TMEM225B: variants seen among roughly 807,000 people sequenced by gnomAD.
TMEM225B encodes transmembrane protein 225-like.
In TMEM225B, 10 loss-of-function variants were observed where a neutral mutation model predicts 16.9. That is an observed-to-expected ratio of 0.59 (90% CI 0.36 to 1.00). The LOEUF (loss-of-function observed/expected upper bound fraction) is 1.00. Ranked by LOEUF, TMEM225B falls within the 50% of genes least tolerant of loss-of-function variation. TMEM225B has a pLI of 0.01. For missense variants in TMEM225B, 217 were observed against 267.0 expected (o/e 0.81, Z 1.30); for synonymous variants, 92 against 109.8 (o/e 0.84, Z 1.01).
intron 3 of TMEM225B, chr7:99,605,664 A>T (rs1462631043): frequency 6.6e-6 from 1 of 152,244 alleles, no homozygotes; most frequent in Non-Finnish European, 1.5e-5. Flanking sequence ...ATCATAGCTC[A>T]CTGCAGCCTC....
chr7:99,598,386 A>T lies in TMEM225B; in HGVS notation c.-85+5A>T, dbSNP rs980595870. 1 of 152,378 alleles carries T rather than the reference A, an allele frequency of 6.6e-6. No individual in the cohort carries two copies. Among genetic ancestry groups the T allele is most frequent in the African/African-American group, 2.4e-5 (1 of 41,436 alleles). The allele number at this position is 152,378 out of a possible 1,614,324, so 9.4% of individuals were successfully genotyped here. ...CCGCCTACGACGGTGCCGCAGGTGG[A>T]GGGAAGGGTAGAGGGGAGACCAGTA... is the stretch of plus-strand genomic sequence containing the variant. On this transcript the variant is annotated splice_donor_5th_base_variant and intron_variant, in intron 1 of 5. Coordinates refer to ENST00000431679, the MANE Select transcript of TMEM225B (RefSeq NM_001195541.3).
At position 99,608,856 on chromosome 7, in the gene TMEM225B, T is replaced by C. The variant is rs188463863; in HGVS notation, c.493+1046T>C. Among the ~76,000 whole-genome samples the C allele has an allele frequency of 4.9e-3, 702 of 142,790 alleles. 20 individuals carry two copies. The highest frequency in any genetic ancestry group is 0.02 in the African/African-American group (651 of 33,342). The allele number at this position is 142,790 out of a possible 152,430, so 93.7% of individuals were successfully genotyped here. Reference sequence around the variant, plus strand: ...GTGTGCACGTATATATATATATATATATACACACACACATATATGTGTATA... The same window carrying C: ...GTGTGCACGTATATATATATATATACATACACACACACATATATGTGTATA... On this transcript the variant is annotated intron_variant, in intron 5 of 5. Coordinates refer to ENST00000431679, the MANE Select transcript of TMEM225B (RefSeq NM_001195541.3).
intron 2 of TMEM225B, among the ~76,000 whole-genome samples, chr7:99,602,279 G>A (rs572582146): frequency 6.6e-6 from 1 of 152,310 alleles, no homozygotes; most frequent in South Asian, 2.1e-4. Flanking sequence ...CCTCAGAGCT[G>A]CCAGGCTCAG....
rs1448347478 is a variant in TMEM225B at position 99,608,732 on chromosome 7, TATACACACAC to T, written c.493+924_493+933del. ...TTAAAAAAAAATATATATATATATA[TATACACACAC>T]ACACACACACACACACACACACATA... On this transcript the variant is annotated intron_variant, in intron 5 of 5. Coordinates refer to ENST00000431679, the MANE Select transcript of TMEM225B (RefSeq NM_001195541.3). 3.6e-3 allele frequency among the ~76,000 whole-genome samples: 448 copies of T among 125,796 alleles called. 4 individuals are homozygous for T. Among genetic ancestry groups the T allele is most frequent in the African/African-American group, 0.016 (419 of 25,986 alleles). 82.5% of individuals were successfully genotyped at this position (125,796 alleles called of 152,430 possible). A position where few individuals can be genotyped will look rare whatever the true frequency, so the allele number is the denominator to read the frequency against.
intron 3 of TMEM225B, among the ~76,000 whole-genome samples, chr7:99,605,802 G>T (rs1013897344): frequency 6.6e-6 from 1 of 152,082 alleles, no homozygotes; most frequent in Non-Finnish European, 1.5e-5. Flanking sequence ...GGCCCAGGCT[G>T]GTCTCCAACT....
At chr7:99,606,635 G>T in intron 3 of TMEM225B, 113 bp from the exon 4 acceptor site, 1 of 928,494 alleles carries the variant, frequency 1.1e-6, no homozygotes, top group Non-Finnish European at 1.6e-6. Context: ...GCCATGCTTT[G>T]GGATCTAAGG....
At position 99,604,049 on chromosome 7, in the gene TMEM225B, C is replaced by T. The variant is rs556072403; in HGVS notation, c.-3-337C>T. On this transcript the variant is annotated intron_variant, in intron 2 of 5. Transcript: ENST00000431679. ...GGATTGCAGGTGTGAACCACCGCAC[C>T]CAGCTGAAAGTTGAGAACTTTAAAG... 6.6e-5 allele frequency among the ~76,000 whole-genome samples: 10 copies of T among 152,196 alleles called. No homozygotes were observed. The East Asian group carries it at 1.9e-3, about 29-fold the overall frequency.
At chr7:99,599,362 T>C (rs772769442) in intron 1 of TMEM225B, among the ~76,000 whole-genome samples, 10 of 151,666 alleles carry the variant, frequency 6.6e-5, no homozygotes, top group Non-Finnish European at 1.2e-4. Context: ...GGTGGGAGGA[T>C]CACTTGAGCC....
rs1279141626 is a variant in TMEM225B at position 99,600,217 on chromosome 7, C to T, written c.-72C>T. ...TCTCTCTCCCTAGCAGTTCCAAGAGCCTCTGAGTTCCTGCCTTTTTTCATC... is the reference window on the plus strand; with the variant it reads ...TCTCTCTCCCTAGCAGTTCCAAGAGTCTCTGAGTTCCTGCCTTTTTTCATC... On this transcript the variant is annotated 5_prime_UTR_variant, in exon 2 of 6. Transcript: ENST00000431679. 4.3e-6 allele frequency: 3 copies of T among 702,998 alleles called. No individual in the cohort carries two copies. In the Admixed American group the frequency reaches 6.0e-5, roughly 14 times the overall value. 43.5% of individuals were successfully genotyped at this position (702,998 alleles called of 1,614,324 possible).
At chr7:99,605,301 CTG>C (rs1331942621) in intron 3 of TMEM225B, among the ~76,000 whole-genome samples, 2 of 152,182 alleles carry the variant, frequency 1.3e-5, no homozygotes, top group Non-Finnish European at 2.9e-5. Context: ...GGGACTCACT[CTG>C]TTGCCCAGGC....
At chr7:99,608,839 GTATATATA>G (rs72285430) in intron 5 of TMEM225B, among the ~76,000 whole-genome samples, 75 of 132,522 alleles carry the variant, frequency 5.7e-4, no homozygotes, top group Non-Finnish European at 2.1e-4. Context: ...GTGTGTGCAC[GTATATATA>G]TATATATATA....
In TMEM225B at chr7:99,607,815, G is replaced by C. The variant is rs752413973; in HGVS notation, c.493+5G>C. 1 of 1,535,816 alleles carries C rather than the reference G, an allele frequency of 6.5e-7. No individual in the cohort carries two copies. The highest frequency in any genetic ancestry group is 1.2e-5 in the South Asian group (1 of 84,036). On this transcript the variant is annotated splice_donor_5th_base_variant and intron_variant, in intron 5 of 5. Coordinates refer to ENST00000431679, the MANE Select transcript of TMEM225B (RefSeq NM_001195541.3). ...TCTTTCTGTTCATAGTGGCTGGTGAGTGTCCAGGGAACAGTGCCCTGCTTC... is the reference window on the plus strand; with the variant it reads ...TCTTTCTGTTCATAGTGGCTGGTGACTGTCCAGGGAACAGTGCCCTGCTTC...
chr7:99,602,770 C>T (rs894064852), intron 2 of TMEM225B, among the ~76,000 whole-genome samples: 16 of 151,992 alleles, frequency 1.1e-4, no homozygotes, highest in African/African-American at 3.4e-4. Flanking sequence ...TGGAGTACGG[C>T]GGCATGATCA....
At position 99,607,705 on chromosome 7, in the gene TMEM225B, GCCCT is replaced by G; in HGVS notation, c.389_392del (p.Ala130GlyfsTer6). Reference sequence around the variant, plus strand: ...TGCCTTCCTGGCTTTGGTGCTGCATGCCCTGGAGATCAAGGCTCTGAGGATGAAG... The same window carrying G: ...TGCCTTCCTGGCTTTGGTGCTGCATGGGAGATCAAGGCTCTGAGGATGAAG... On this transcript the variant is annotated frameshift_variant, in exon 5 of 6. Coordinates refer to ENST00000431679, the MANE Select transcript of TMEM225B (RefSeq NM_001195541.3). LOFTEE classifies it high-confidence loss of function. 1 of 1,536,098 alleles carries G rather than the reference GCCCT, an allele frequency of 6.5e-7. No individual in the cohort carries two copies. The highest frequency in any genetic ancestry group is 8.7e-7 in the Non-Finnish European group (1 of 1,146,882).
At chr7:99,598,539 G>T (rs1805045638) in intron 1 of TMEM225B, among the ~76,000 whole-genome samples, 158 bp downstream of exon 1, 2 of 152,188 alleles carry the variant, frequency 1.3e-5, no homozygotes, top group Admixed American at 1.3e-4. Flanking sequence ...GGATGGCCTG[G>T]TTAGGGCCCA....
chr7:99,600,122 G>T (rs1805231777), intron 1 of TMEM225B, 83 bp from the exon 2 acceptor site: 5 of 691,144 alleles, frequency 7.2e-6, no homozygotes, highest in South Asian at 6.2e-5. Context: ...GTGCCCTGGG[G>T]TATACCTGGC....
chr7:99,604,381 C>A lies in TMEM225B; in HGVS notation c.-3-5C>A. ...CACCTCCACGATCACTTTTCTCTTA[C>A]ACAGGTGATGCTGACGTTAGAGGAC... On this transcript the variant is annotated splice_polypyrimidine_tract_variant and splice_region_variant and intron_variant, in intron 2 of 5. Transcript: ENST00000431679. The A allele has an allele frequency of 6.5e-7, 1 of 1,534,318 alleles. No individual in the cohort carries two copies. The highest frequency in any genetic ancestry group is 8.7e-7 in the Non-Finnish European group (1 of 1,145,322).
chr7:99,606,658 C>T lies in TMEM225B; in HGVS notation c.209-90C>T, dbSNP rs918407790. On this transcript the variant is annotated intron_variant, in intron 3 of 5. Transcript: ENST00000431679. Reference sequence around the variant, plus strand: ...TTGGGATCTAAGGGTGGTGGAGGCTCCGGGGGCCAGCCCTGCCCAGGCTCT... The same window carrying T: ...TTGGGATCTAAGGGTGGTGGAGGCTTCGGGGGCCAGCCCTGCCCAGGCTCT... 14 of 1,293,354 alleles carry T rather than the reference C, an allele frequency of 1.1e-5. No homozygotes were observed. The African/African-American group carries it at 2.1e-4, about 19-fold the overall frequency. The allele number at this position is 1,293,354 out of a possible 1,614,324, so 80.1% of individuals were successfully genotyped here.
intron 3 of TMEM225B, 26 bp from the exon 4 acceptor site, chr7:99,606,722 C>T: frequency 6.5e-7 from 1 of 1,534,726 alleles, no homozygotes; most frequent in Non-Finnish European, 8.7e-7. Flanking sequence ...TTCCCAGCTT[C>T]AGCCCCACTT....
Sources: allele counts gnomAD v4.1 joint callset (sites outside exome capture counted in the v4.1 genomes callset), GRCh38; gene constraint gnomAD v4.1.1; transcripts MANE v1.5; gene names NCBI Gene and HGNC (gene_info 2026-07-23, HGNC 2026-07-21).